Variants in IL7 observed in about 807,000 individuals in gnomAD.
IL7 encodes interleukin-7.
IL7 carries 3 observed loss-of-function variants against 21.6 expected under a neutral mutation model. The observed-to-expected ratio is 0.14, with a 90% confidence interval of 0.06 to 0.36. IL7 has a LOEUF of 0.36. Ranked by LOEUF, IL7 falls within the 10% of genes least tolerant of loss-of-function variation. The pLI, the probability that IL7 is intolerant of heterozygous loss-of-function variation, is 1.00. For synonymous variants in IL7, 62 were observed against 68.1 expected, an observed-to-expected ratio of 0.91 and a Z score of 0.44; for missense variants, 175 against 200.2, an observed-to-expected ratio of 0.87 and a Z score of 0.76.
chr8:78,758,701 C>T (rs534083333), intron 2 of IL7, among the ~76,000 whole-genome samples: 5 of 152,236 alleles, frequency 3.3e-5, no homozygotes, highest in African/African-American at 1.2e-4. Context: ...AAGATTTTTA[C>T]TGAGTAATAG....
chr8:78,678,808 C>A lies in IL7; in HGVS notation n.274-2704G>T. On this transcript the variant is annotated intron_variant and non_coding_transcript_variant, in intron 4 of 4. Transcript: ENST00000523959. ...CTACATTAAGATTAAAGAATAAATA[C>A]AATTCTGTGTTATATGTTCAGTTTA... The A allele has an allele frequency of 7.4e-6, 4 of 542,842 alleles. No homozygotes were observed. In the South Asian group the frequency reaches 1.8e-4, roughly 25 times the overall value. 33.6% of individuals were successfully genotyped at this position (542,842 alleles called of 1,614,324 possible). A position where few individuals can be genotyped will look rare whatever the true frequency, so the allele number is the denominator to read the frequency against.
intron 2 of IL7, among the ~76,000 whole-genome samples, chr8:78,765,057 G>A (rs1348125293): frequency 1.3e-5 from 2 of 152,010 alleles, no homozygotes; most frequent in Non-Finnish European, 2.9e-5. Flanking sequence ...TTTGACAAAC[G>A]GGCAAAGGCA....
chr8:78,787,339 T>C (rs2130821556), intron 2 of IL7, among the ~76,000 whole-genome samples: 1 of 152,260 alleles, frequency 6.6e-6, no homozygotes, highest in Non-Finnish European at 1.5e-5. Context: ...AGATAGATAG[T>C]GTCATAATTG....
At chr8:78,717,671 T>C, downstream of IL7, 1 of 475,248 alleles carries the variant, frequency 2.1e-6, no homozygotes, top group Non-Finnish European at 3.5e-6. Flanking sequence ...TGTGTACATA[T>C]ACTGTATATA....
At chr8:78,761,862 C>G (rs1812572732) in intron 2 of IL7, 2 of 1,611,748 alleles carry the variant, frequency 1.2e-6, no homozygotes, top group African/African-American at 2.7e-5. Context: ...GGGATTTCAT[C>G]AGCCTCATGT....
downstream of IL7, among the ~76,000 whole-genome samples, chr8:78,732,416 A>G (rs1379462505): frequency 6.6e-6 from 1 of 152,148 alleles, no homozygotes; most frequent in South Asian, 2.1e-4. Flanking sequence ...TCACCAGAGC[A>G]TCTTCTGTAG....
intron 4 of IL7, among the ~76,000 whole-genome samples, chr8:78,684,552 A>G (rs938838388): frequency 1.4e-4 from 22 of 152,226 alleles, no homozygotes; most frequent in Admixed American, 3.3e-4. Context: ...AACTATATCA[A>G]TAGATATTTG....
intron 3 of IL7, among the ~76,000 whole-genome samples, chr8:78,695,432 C>A (rs1480797708): frequency 1.3e-5 from 2 of 152,156 alleles, no homozygotes; most frequent in Non-Finnish European, 1.5e-5. Context: ...AAAGACTTGA[C>A]CTCTCAATAT....
At chr8:78,794,231 C>G (rs974920110) in intron 2 of IL7, among the ~76,000 whole-genome samples, 1 of 152,000 alleles carries the variant, frequency 6.6e-6, no homozygotes, top group African/African-American at 2.4e-5. Context: ...ATTCTTTGCC[C>G]AGATCTATTA....
chr8:78,797,538 G>A (rs1011396649), intron 2 of IL7, among the ~76,000 whole-genome samples: 17 of 151,898 alleles, frequency 1.1e-4, no homozygotes, highest in Admixed American at 9.8e-4. Flanking sequence ...AGAAACCTAA[G>A]TTGGCTCTAA....
chr8:78,749,454 AC>A (rs1812094948), intron 2 of IL7, among the ~76,000 whole-genome samples: 1 of 152,158 alleles, frequency 6.6e-6, no homozygotes, highest in South Asian at 2.1e-4. Context: ...CACAGGGCAA[AC>A]CACTGCCCTA....
At chr8:78,754,444 C>T (rs188170543) in intron 2 of IL7, among the ~76,000 whole-genome samples, 39 of 152,008 alleles carry the variant, frequency 2.6e-4, no homozygotes, top group African/African-American at 8.9e-4. Flanking sequence ...GAATCAATGT[C>T]GTGAAAATGG....
chr8:78,721,115 T>C (rs1181250686), exon 5 of IL7: 2 of 152,004 alleles, frequency 1.3e-5, no homozygotes, highest in African/African-American at 4.8e-5. Context: ...GTTGATACAA[T>C]TTATTTGGAG....
intron 6 of IL7, chr8:78,718,939 C>T (rs1003166383): frequency 6.6e-6 from 1 of 151,288 alleles, no homozygotes; most frequent in Non-Finnish European, 1.5e-5. Flanking sequence ...TATAATTTAT[C>T]TGAAATTTAT....
intron 4 of IL7, among the ~76,000 whole-genome samples, chr8:78,681,901 C>CT (rs56181953): frequency 7.8e-4 from 98 of 126,436 alleles, no homozygotes; most frequent in Non-Finnish European, 9.9e-4. Flanking sequence ...CTTTTTCTTT[C>CT]TTTTTTTTTT....
intron 2 of IL7, among the ~76,000 whole-genome samples, chr8:78,774,084 G>GAA (rs199914968): frequency 2.0e-5 from 3 of 149,844 alleles, no homozygotes; most frequent in African/African-American, 7.3e-5. Context: ...GCAGAGAAAA[G>GAA]AAAAAAAAAC....
At chr8:78,786,649 A>G (rs528271013) in intron 2 of IL7, among the ~76,000 whole-genome samples, 3 of 152,332 alleles carry the variant, frequency 2.0e-5, no homozygotes, top group South Asian at 2.1e-4. Flanking sequence ...TGGGGCCATC[A>G]TGGTATATGC....
chr8:78,790,523 C>A (rs777202556), intron 2 of IL7, among the ~76,000 whole-genome samples: 2 of 151,924 alleles, frequency 1.3e-5, no homozygotes, highest in South Asian at 4.1e-4. Flanking sequence ...ATTTGAAAAA[C>A]TACTACGTGT....
intron 2 of IL7, among the ~76,000 whole-genome samples, chr8:78,775,459 A>C (rs1315576941): frequency 6.6e-6 from 1 of 152,114 alleles, no homozygotes; most frequent in South Asian, 2.1e-4. Context: ...AAGAACACCA[A>C]ACTAGAGTTT....
Sources: gnomAD v4.1 joint callset for allele counts (sites outside exome capture counted in the v4.1 genomes callset) on GRCh38, gnomAD v4.1.1 for gene constraint, MANE v1.5 for transcripts, NCBI Gene and HGNC (gene_info 2026-07-23, HGNC 2026-07-21) for gene names.